The following NBEA variants were observed in gnomAD, a reference collection of about 807,000 sequenced individuals.
NBEA encodes the protein neurobeachin, also known as lysosomal-trafficking regulator 2.
In NBEA, 44 loss-of-function variants were observed where a neutral mutation model predicts 343.4. The ratio of observed to expected loss-of-function variants is 0.13; its 90% CI spans 0.10 to 0.16. The LOEUF (loss-of-function observed/expected upper bound fraction) is 0.16. NBEA is among the 10% of genes least tolerant of loss of function. The pLI is 1.00. For missense variants in NBEA, 2,555 were observed against 3,631.3 expected, an observed-to-expected ratio of 0.70 and a Z score of 7.62; for synonymous variants, 1,175 against 1,238.7, an observed-to-expected ratio of 0.95 and a Z score of 1.08.
intron 36 of NBEA, among the ~76,000 whole-genome samples, chr13:35,342,362 C>A (rs2039634960): frequency 6.6e-6 from 1 of 151,990 alleles, no homozygotes; most frequent in Non-Finnish European, 1.5e-5. Flanking sequence ...TGAAATATAT[C>A]TCAATTTTAA....
chr13:35,646,851 C>T (rs1249986869), intron 51 of NBEA, among the ~76,000 whole-genome samples: 2 of 152,144 alleles, frequency 1.3e-5, no homozygotes, highest in African/African-American at 4.8e-5. Context: ...AGGGCAAACA[C>T]CATCTCTGCA....
At chr13:35,428,126 GCTGCACCCACTGTC>G (rs1242481027) in intron 38 of NBEA, among the ~76,000 whole-genome samples, 19 of 152,120 alleles carry the variant, frequency 1.2e-4, no homozygotes, top group Admixed American at 1.2e-3. Context: ...CACACGATCC[GCTGCACCCACTGTC>G]CTGCACCCAC....
chr13:35,152,833 A>T (rs888138674), intron 18 of NBEA, among the ~76,000 whole-genome samples: 5 of 152,000 alleles, frequency 3.3e-5, no homozygotes, highest in Admixed American at 6.6e-5. Flanking sequence ...ATTGGTTTTC[A>T]TGTCCATATC....
chr13:35,626,664 A>C (rs1056553781), intron 48 of NBEA, among the ~76,000 whole-genome samples: 6 of 152,194 alleles, frequency 3.9e-5, no homozygotes, highest in African/African-American at 1.2e-4. Flanking sequence ...TTACTAAATA[A>C]TTAGACTGAC....
At chr13:35,140,197 A>G (rs1419285257) in intron 17 of NBEA, among the ~76,000 whole-genome samples, 1 of 150,768 alleles carries the variant, frequency 6.6e-6, no homozygotes, top group African/African-American at 2.4e-5. Flanking sequence ...TTTTTTAAGT[A>G]GAGATGAAGT....
At chr13:35,465,261 C>G (rs1279550419) in intron 40 of NBEA, among the ~76,000 whole-genome samples, 1 of 151,938 alleles carries the variant, frequency 6.6e-6, no homozygotes, top group Non-Finnish European at 1.5e-5. Context: ...TTTCTATATT[C>G]AATTCCACAA....
At chr13:35,268,805 A>C (rs553406854) in intron 34 of NBEA, among the ~76,000 whole-genome samples, 3 of 152,232 alleles carry the variant, frequency 2.0e-5, no homozygotes, top group African/African-American at 7.2e-5. Flanking sequence ...ATCTGTCAGA[A>C]GAAAAATCAC....
chr13:35,066,277 A>T (rs1198772643), intron 8 of NBEA, among the ~76,000 whole-genome samples: 1 of 152,096 alleles, frequency 6.6e-6, no homozygotes, highest in Non-Finnish European at 1.5e-5. Flanking sequence ...ACTTTAGAAG[A>T]ATGTGTATTA....
At chr13:35,225,679 A>T (rs529658809) in intron 33 of NBEA, among the ~76,000 whole-genome samples, 17 of 152,194 alleles carry the variant, frequency 1.1e-4, no homozygotes, top group East Asian at 9.7e-4. Flanking sequence ...AAATTTATTT[A>T]AAAAATTTAG....
chr13:35,245,315 G>T lies in NBEA; in HGVS notation c.5776+12696G>T, dbSNP rs575994154. Among the ~76,000 whole-genome samples, 3 of 152,136 alleles carry T rather than the reference G, an allele frequency of 2.0e-5. No individual in the cohort carries two copies. In the East Asian group the frequency reaches 5.8e-4, roughly 29 times the overall value. On this transcript the variant is annotated intron_variant, in intron 34 of 58. Coordinates refer to ENST00000379939, the MANE Select transcript of NBEA (RefSeq NM_001385012.1). ...ATTCAATGTTAATATTGAGATGTGA[G>T]GTAGTATTCCATTTATTGTGCTATT...
At chr13:35,219,778 A>G (rs1465691637) in intron 33 of NBEA, among the ~76,000 whole-genome samples, 1 of 152,118 alleles carries the variant, frequency 6.6e-6, no homozygotes, top group Non-Finnish European at 1.5e-5. Context: ...TCCAAAGGCC[A>G]AGAAGAGACC....
intron 43 of NBEA, among the ~76,000 whole-genome samples, chr13:35,554,624 A>G (rs1182085503): frequency 6.6e-6 from 1 of 152,204 alleles, no homozygotes; most frequent in Admixed American, 6.5e-5. Context: ...GTACCTGACT[A>G]CCTACCTACC....
chr13:34,980,211 T>C (rs993139153), intron 1 of NBEA, among the ~76,000 whole-genome samples: 3 of 152,078 alleles, frequency 2.0e-5, no homozygotes, highest in Middle Eastern at 3.4e-3. Flanking sequence ...GTTGTTGTTA[T>C]TTATATAAAT....
intron 34 of NBEA, among the ~76,000 whole-genome samples, chr13:35,240,465 A>G (rs1368371469): frequency 6.6e-6 from 1 of 151,894 alleles, no homozygotes; most frequent in African/African-American, 2.4e-5. Flanking sequence ...GACGGTATGT[A>G]TGAATGAATG....
intron 13 of NBEA, among the ~76,000 whole-genome samples, chr13:35,112,688 T>C (rs181214271): frequency 2.9e-4 from 44 of 152,296 alleles, no homozygotes; most frequent in South Asian, 6.2e-4. Flanking sequence ...CATATGTCCC[T>C]CACCAGATTC....
At chr13:35,070,581 G>A (rs1275865281) in intron 9 of NBEA, 138 bp from the exon 10 acceptor site, 9 of 756,132 alleles carry the variant, frequency 1.2e-5, no homozygotes, top group Non-Finnish European at 1.7e-5. Context: ...TGTCTTATAT[G>A]TGTATAAAAA....
intron 18 of NBEA, among the ~76,000 whole-genome samples, chr13:35,151,468 G>A (rs571240625): frequency 7.9e-5 from 12 of 151,484 alleles, no homozygotes; most frequent in African/African-American, 1.7e-4. Context: ...GCTTGAACCC[G>A]GGAGGTGGAG....
chr13:35,125,770 A>G (rs1194929615), intron 17 of NBEA, among the ~76,000 whole-genome samples: 1 of 152,190 alleles, frequency 6.6e-6, no homozygotes, highest in Non-Finnish European at 1.5e-5. Flanking sequence ...AAATATTGCT[A>G]TGGAATACAT....
At chr13:35,137,681 G>A (rs921396113) in intron 17 of NBEA, among the ~76,000 whole-genome samples, 7 of 151,686 alleles carry the variant, frequency 4.6e-5, no homozygotes, top group African/African-American at 1.7e-4. Flanking sequence ...GATATCTAAT[G>A]TTTATTGTTA....
Sources: gnomAD v4.1 joint callset for allele counts (sites outside exome capture counted in the v4.1 genomes callset) on GRCh38, gnomAD v4.1.1 for gene constraint, MANE v1.5 for transcripts, NCBI Gene and HGNC (gene_info 2026-07-23, HGNC 2026-07-21) for gene names.